The following HS3ST4 variants were observed in gnomAD, a reference collection of about 807,000 sequenced individuals.
HS3ST4 encodes the protein heparan sulfate glucosamine 3-O-sulfotransferase 4.
In HS3ST4, 17 loss-of-function variants were observed where a neutral mutation model predicts 29.2. The observed-to-expected ratio is 0.58, with a 90% CI of 0.40 to 0.87. HS3ST4 has a LOEUF of 0.87. Ranked by LOEUF, HS3ST4 falls within the 40% of genes least tolerant of loss-of-function variation. The probability of loss-of-function intolerance (pLI) is 0.00; values close to 1 mark genes in which losing one functional copy is unlikely to be tolerated. For synonymous variants in HS3ST4, 314 were observed against 285.7 expected, an observed-to-expected ratio of 1.10 and a Z score of -1.00; for missense variants, 627 against 634.5, an observed-to-expected ratio of 0.99 and a Z score of 0.13.
rs149286128 is a variant in HS3ST4, at chr16:25,785,105, A to G, written c.734+91954A>G. On this transcript the variant is annotated intron_variant, in intron 1 of 1. Coordinates refer to ENST00000331351, the MANE Select transcript of HS3ST4 (RefSeq NM_006040.3). ...AGCATATCTGTTTACAGTGTGGTTT[A>G]CTGAATATTATAAGCCCACTGTTAA... Among the ~76,000 whole-genome samples the G allele has an allele frequency of 5.9e-3, 899 of 152,328 alleles. 8 individuals are homozygous for G. The highest frequency in any genetic ancestry group is 0.021 in the African/African-American group (862 of 41,574).
intron 1 of HS3ST4, among the ~76,000 whole-genome samples, chr16:25,811,423 T>C (rs1482118181): frequency 4.4e-5 from 3 of 67,694 alleles, no homozygotes; most frequent in Admixed American, 1.6e-4. Context: ...TTTCTTCTTC[T>C]TTTTTTTTTT....
At chr16:26,018,849 C>T (rs1335995755) in intron 1 of HS3ST4, among the ~76,000 whole-genome samples, 2 of 149,350 alleles carry the variant, frequency 1.3e-5, no homozygotes, top group Non-Finnish European at 3.0e-5. Flanking sequence ...AAAAAAAAAT[C>T]ACTACCAAAC....
At chr16:25,712,892 A>G (rs1966426627) in intron 1 of HS3ST4, among the ~76,000 whole-genome samples, 1 of 152,138 alleles carries the variant, frequency 6.6e-6, no homozygotes, top group South Asian at 2.1e-4. Context: ...AGAGTTGGAA[A>G]GTTAGTTTCT....
intron 1 of HS3ST4, among the ~76,000 whole-genome samples, chr16:26,102,554 G>C (rs1297098988): frequency 6.6e-6 from 1 of 151,998 alleles, no homozygotes; most frequent in Non-Finnish European, 1.5e-5. Flanking sequence ...GCTGTCCCTT[G>C]GGCAACATGA....
chr16:25,846,596 G>T, intron 1 of HS3ST4, among the ~76,000 whole-genome samples: 1 of 151,378 alleles, frequency 6.6e-6, no homozygotes, highest in East Asian at 1.9e-4. Context: ...TAAGTTTGTA[G>T]TATCTTTCAG....
intron 1 of HS3ST4, among the ~76,000 whole-genome samples, chr16:25,836,986 T>A (rs996269123): frequency 1.3e-5 from 2 of 152,232 alleles, no homozygotes; most frequent in Non-Finnish European, 2.9e-5. Flanking sequence ...TGTGGTTTTG[T>A]GCTCACCTCT....
intron 1 of HS3ST4, among the ~76,000 whole-genome samples, chr16:26,100,792 A>G (rs1307175504): frequency 2.6e-5 from 4 of 152,190 alleles, no homozygotes; most frequent in African/African-American, 7.2e-5. Flanking sequence ...TGCTCCTCCC[A>G]TAACTCCATT....
At chr16:25,746,255 A>G (rs1027588643) in intron 1 of HS3ST4, among the ~76,000 whole-genome samples, 16 of 152,350 alleles carry the variant, frequency 1.1e-4, no homozygotes, top group Admixed American at 1.0e-3. Flanking sequence ...AAATAGTGTT[A>G]TAAGTGTTAT....
At chr16:25,755,929 C>T (rs1966755019) in intron 1 of HS3ST4, among the ~76,000 whole-genome samples, 1 of 152,078 alleles carries the variant, frequency 6.6e-6, no homozygotes. Context: ...ATTTCCTTGA[C>T]TTATGTCTTC....
chr16:25,967,434 G>A (rs909926390), intron 1 of HS3ST4, among the ~76,000 whole-genome samples: 3 of 152,156 alleles, frequency 2.0e-5, no homozygotes, highest in Non-Finnish European at 2.9e-5. Context: ...AATTACAGGC[G>A]TGAGCCACCG....
At chr16:25,763,693 A>G (rs1340175380) in intron 1 of HS3ST4, among the ~76,000 whole-genome samples, 1 of 152,214 alleles carries the variant, frequency 6.6e-6, no homozygotes, top group African/African-American at 2.4e-5. Flanking sequence ...TCAGCTGGAA[A>G]GAAATTCATT....
chr16:25,841,776 G>A (rs774360967), intron 1 of HS3ST4, among the ~76,000 whole-genome samples: 5 of 152,112 alleles, frequency 3.3e-5, no homozygotes, highest in Admixed American at 6.5e-5. Context: ...TAGAACCTGC[G>A]TCTGTGGGTG....
chr16:25,784,998 C>G (rs1966856113), intron 1 of HS3ST4, among the ~76,000 whole-genome samples: 1 of 152,178 alleles, frequency 6.6e-6, no homozygotes, highest in African/African-American at 2.4e-5. Flanking sequence ...ATTCACCATT[C>G]TGAAAATCCT....
chr16:25,959,754 G>T (rs536720683), intron 1 of HS3ST4, among the ~76,000 whole-genome samples: 7 of 152,158 alleles, frequency 4.6e-5, no homozygotes, highest in Non-Finnish European at 5.9e-5. Context: ...ATGGGGCCTG[G>T]TGGGAGGTGT....
intron 1 of HS3ST4, among the ~76,000 whole-genome samples, chr16:26,013,546 T>G (rs907503431): frequency 6.6e-6 from 1 of 152,200 alleles, no homozygotes; most frequent in African/African-American, 2.4e-5. Context: ...ATGCTTAAAT[T>G]TTTATTTAAG....
chr16:25,815,945 T>C (rs1967089329), intron 1 of HS3ST4, among the ~76,000 whole-genome samples: 1 of 152,162 alleles, frequency 6.6e-6, no homozygotes, highest in African/African-American at 2.4e-5. Context: ...TGGAGGGCCT[T>C]CTCAAATGAA....
At chr16:25,789,658 A>G (rs1966864712) in intron 1 of HS3ST4, among the ~76,000 whole-genome samples, 1 of 152,098 alleles carries the variant, frequency 6.6e-6, no homozygotes, top group African/African-American at 2.4e-5. Flanking sequence ...AGCATGATGA[A>G]TTATCACAAA....
chr16:25,959,971 C>G (rs1968778225), intron 1 of HS3ST4, among the ~76,000 whole-genome samples: 1 of 152,072 alleles, frequency 6.6e-6, no homozygotes, highest in African/African-American at 2.4e-5. Context: ...TCCATCTCTA[C>G]CAAAAATACA....
At chr16:26,066,378 A>G (rs1388949923) in intron 1 of HS3ST4, among the ~76,000 whole-genome samples, 1 of 152,240 alleles carries the variant, frequency 6.6e-6, no homozygotes, top group African/African-American at 2.4e-5. Context: ...GAGATGGAAC[A>G]TTTTAATGAT....
Sources: allele counts gnomAD v4.1 joint callset (sites outside exome capture counted in the v4.1 genomes callset), GRCh38; gene constraint gnomAD v4.1.1; transcripts MANE v1.5; gene names NCBI Gene and HGNC (gene_info 2026-07-23, HGNC 2026-07-21).